The following TFEC variants were observed in gnomAD, a reference collection of about 807,000 sequenced individuals.
The protein encoded by TFEC is transcription factor EC, also known as class E basic helix-loop-helix protein 34.
In TFEC, 31 loss-of-function variants were observed where a neutral mutation model predicts 41.6. The observed-to-expected ratio is 0.74, with a 90% CI of 0.56 to 1.01. The LOEUF (loss-of-function observed/expected upper bound fraction) is 1.01. Ranked by LOEUF, TFEC falls within the 50% of genes least tolerant of loss-of-function variation. The pLI is 0.00. For missense variants in TFEC, 402 were observed against 404.1 expected (o/e 0.99, Z 0.04); for synonymous variants, 143 against 140.6 (o/e 1.02, Z -0.12).
At chr7:115,977,936 GAAGT>G (rs1391684555) in intron 2 of TFEC, among the ~76,000 whole-genome samples, 1 of 151,584 alleles carries the variant, frequency 6.6e-6, no homozygotes, top group Non-Finnish European at 1.5e-5. Flanking sequence ...TAAAATATTA[GAAGT>G]AACAAACAGA....
chr7:116,032,598 G>T (rs1795812284), upstream of TFEC, among the ~76,000 whole-genome samples: 1 of 152,058 alleles, frequency 6.6e-6, no homozygotes, highest in Non-Finnish European at 1.5e-5. Flanking sequence ...ACCAAATATT[G>T]CATCTTCTCT....
Position 116,004,055 on chromosome 7 carries a change from C to A in TFEC, c.-72-19542G>T, listed in dbSNP as rs568880803. Among the ~76,000 whole-genome samples the A allele has an allele frequency of 3.9e-5, 6 of 151,934 alleles. No individual in the cohort carries two copies. In the East Asian group the frequency reaches 1.2e-3, roughly 29 times the overall value. The stretch of plus-strand genomic sequence containing the variant: ...AAAAATCTAAAATTAACCTGAGCTT[C>A]CAACTTAGGAAACAAGAAAAAGAAG... On this transcript the variant is annotated intron_variant, in intron 1 of 7. Coordinates refer to ENST00000265440, the MANE Select transcript of TFEC (RefSeq NM_012252.4).
intron 5 of TFEC, among the ~76,000 whole-genome samples, chr7:115,951,750 T>C (rs183490368): frequency 4.6e-5 from 7 of 152,144 alleles, no homozygotes; most frequent in Admixed American, 2.6e-4. Flanking sequence ...ACTGCTGATA[T>C]AAGCTCTTAT....
At chr7:116,093,118 T>C (rs998368060) in intron 3 of TFEC, among the ~76,000 whole-genome samples, 20 of 152,180 alleles carry the variant, frequency 1.3e-4, no homozygotes, top group Admixed American at 9.8e-4. Context: ...ACTGAGTACT[T>C]TGAAATTTCA....
At chr7:116,047,487 A>C (rs1031567200) in intron 3 of TFEC, among the ~76,000 whole-genome samples, 3 of 152,088 alleles carry the variant, frequency 2.0e-5, no homozygotes, top group Non-Finnish European at 2.9e-5. Context: ...TTGAGTAGGT[A>C]AACAAAGTGG....
intron 3 of TFEC, among the ~76,000 whole-genome samples, chr7:116,106,434 G>A (rs531347822): frequency 2.6e-5 from 4 of 152,280 alleles, no homozygotes; most frequent in South Asian, 2.1e-4. Flanking sequence ...CCAAGCTGGA[G>A]TGCAGTGGCA....
chr7:116,129,303 G>C (rs750886367), intron 1 of TFEC, among the ~76,000 whole-genome samples: 30 of 150,970 alleles, frequency 2.0e-4, no homozygotes, highest in South Asian at 1.3e-3. Flanking sequence ...TGTTGAAATA[G>C]TTTTTGTTTT....
At position 116,103,451 on chromosome 7, in the gene TFEC, C is replaced by T. The variant is rs73462566; in HGVS notation, c.198+7257G>A. Reference sequence around the variant, plus strand: ...AAACTCTAGAAACCTGAAAGGACAGCAGGAAAGATGGGTAGCTGTTCAATC... The same window carrying T: ...AAACTCTAGAAACCTGAAAGGACAGTAGGAAAGATGGGTAGCTGTTCAATC... On this transcript the variant is annotated intron_variant, in intron 3 of 8. Coordinates refer to the TFEC transcript ENST00000484212. Among the ~76,000 whole-genome samples the T allele has an allele frequency of 3.2e-3, 492 of 152,172 alleles. 5 individuals carry two copies. Among genetic ancestry groups the T allele is most frequent in the African/African-American group, 0.011 (475 of 41,510 alleles).
In TFEC at chr7:115,973,458, AG is replaced by A. The variant is rs1793227702; in HGVS notation, c.267+711del. ...ATTCTTTTTTCTCCTGTTCTCTAAAAGATTGTAAACTGTAAACAAACAAACA... is the reference window on the plus strand; with the variant it reads ...ATTCTTTTTTCTCCTGTTCTCTAAAAATTGTAAACTGTAAACAAACAAACA... On this transcript the variant is annotated intron_variant, in intron 3 of 7. Transcript: ENST00000265440. 3.3e-5 allele frequency among the ~76,000 whole-genome samples: 5 copies of A among 152,084 alleles called. No individual in the cohort carries two copies. The South Asian group carries it at 1.0e-3, about 32-fold the overall frequency.
intron 3 of TFEC, among the ~76,000 whole-genome samples, chr7:115,967,948 G>C (rs991085437): frequency 6.6e-6 from 1 of 151,606 alleles, no homozygotes; most frequent in South Asian, 2.1e-4. Flanking sequence ...TAATAAACAG[G>C]AGTTTGAATA....
chr7:115,949,205 C>T (rs1298182125), intron 6 of TFEC, among the ~76,000 whole-genome samples: 1 of 152,028 alleles, frequency 6.6e-6, no homozygotes, highest in African/African-American at 2.4e-5. Context: ...AAAGAGCATA[C>T]AAAGAAATGG....
chr7:115,948,955 G>A (rs575977791), intron 6 of TFEC, among the ~76,000 whole-genome samples: 28 of 151,794 alleles, frequency 1.8e-4, no homozygotes, highest in African/African-American at 6.5e-4. Flanking sequence ...AAACCCCATT[G>A]TCTCAGCCCA....
intron 5 of TFEC, 60 bp downstream of exon 5, chr7:115,954,526 C>A (rs984344978): frequency 1.4e-6 from 2 of 1,396,682 alleles, no homozygotes; most frequent in Non-Finnish European, 2.0e-6. Context: ...AAAGACCACA[C>A]ACCTTAACCT....
chr7:116,056,123 C>T (rs976541094), intron 3 of TFEC, among the ~76,000 whole-genome samples: 1 of 151,950 alleles, frequency 6.6e-6, no homozygotes, highest in African/African-American at 2.4e-5. Context: ...ATATTTGAAA[C>T]ACTACCTTTC....
At chr7:115,974,748 A>G (rs1484032367) in intron 2 of TFEC, among the ~76,000 whole-genome samples, 1 of 151,850 alleles carries the variant, frequency 6.6e-6, no homozygotes, top group Non-Finnish European at 1.5e-5. Context: ...GTTAAATATT[A>G]CCCAGTACAT....
intron 1 of TFEC, among the ~76,000 whole-genome samples, chr7:116,142,061 A>G (rs1347299502): frequency 6.6e-6 from 1 of 152,210 alleles, no homozygotes; most frequent in Non-Finnish European, 1.5e-5. Flanking sequence ...GCAAGAGAAC[A>G]CTGTGCCTTA....
chr7:116,157,718 T>TGCCTTCCCTTAAA (rs1298507602), intron 1 of TFEC, among the ~76,000 whole-genome samples: 9 of 152,288 alleles, frequency 5.9e-5, no homozygotes, highest in Middle Eastern at 3.4e-3. Context: ...TTCTAACTGT[T>TGCCTTCCCTTAAA]GCCTTCCCTT....
At chr7:116,017,615 A>G (rs1418512580) in intron 1 of TFEC, among the ~76,000 whole-genome samples, 1 of 151,820 alleles carries the variant, frequency 6.6e-6, no homozygotes, top group Admixed American at 6.6e-5. Flanking sequence ...TTCTTCCCAT[A>G]CCACTCTCTC....
chr7:115,961,196 C>T (rs1407422030), intron 3 of TFEC, among the ~76,000 whole-genome samples: 5 of 151,562 alleles, frequency 3.3e-5, no homozygotes, highest in African/African-American at 1.2e-4. Flanking sequence ...ATAGTGAATA[C>T]AGTTTTCTCA....
Sources: allele counts gnomAD v4.1 joint callset (sites outside exome capture counted in the v4.1 genomes callset), GRCh38; gene constraint gnomAD v4.1.1; transcripts MANE v1.5; gene names NCBI Gene and HGNC (gene_info 2026-07-23, HGNC 2026-07-21).